The following NRG3 variants were observed in gnomAD, a reference collection of about 807,000 sequenced individuals.
NRG3 encodes the protein pro-neuregulin-3, membrane-bound isoform.
In NRG3, 31 loss-of-function variants were observed where a neutral mutation model predicts 66.9. The observed-to-expected ratio is 0.46, with a 90% CI of 0.35 to 0.63. The LOEUF (loss-of-function observed/expected upper bound fraction) is 0.63, where lower values mean the gene tolerates loss of function less well. NRG3 is among the 20% of genes least tolerant of loss of function. NRG3 has a pLI of 0.00. For missense variants in NRG3, 910 were observed against 878.9 expected (o/e 1.04, Z -0.45); for synonymous variants, 393 against 359.4 (o/e 1.09, Z -1.06).
intron 1 of NRG3, among the ~76,000 whole-genome samples, chr10:82,155,983 T>G (rs2132865006): frequency 6.6e-6 from 1 of 151,802 alleles, no homozygotes; most frequent in African/African-American, 2.4e-5. Flanking sequence ...TTGTTCAATT[T>G]AAAAATAATT....
intron 2 of NRG3, among the ~76,000 whole-genome samples, chr10:82,507,529 C>T (rs980288589): frequency 1.3e-5 from 2 of 152,174 alleles, no homozygotes; most frequent in African/African-American, 4.8e-5. Context: ...GCAATGAAGA[C>T]ACAAAGCCTG....
intron 1 of NRG3, among the ~76,000 whole-genome samples, chr10:82,321,038 C>A (rs1361781562): frequency 2.0e-5 from 3 of 152,224 alleles, no homozygotes; most frequent in African/African-American, 7.2e-5. Flanking sequence ...GGATGCCAGA[C>A]AAGGACCCAG....
chr10:82,924,646 A>T (rs1369785960), intron 4 of NRG3, among the ~76,000 whole-genome samples: 1 of 151,864 alleles, frequency 6.6e-6, no homozygotes, highest in Non-Finnish European at 1.5e-5. Flanking sequence ...CTTCTTCTAG[A>T]CCAGTAGCAT....
chr10:82,000,967 T>A (rs1160432025), intron 1 of NRG3, among the ~76,000 whole-genome samples: 2 of 152,322 alleles, frequency 1.3e-5, no homozygotes, highest in African/African-American at 2.4e-5. Context: ...TAGAATACCC[T>A]GACAAACATT....
chr10:82,230,862 G>T (rs1443887273), intron 1 of NRG3, among the ~76,000 whole-genome samples: 1 of 152,072 alleles, frequency 6.6e-6, no homozygotes, highest in Non-Finnish European at 1.5e-5. Flanking sequence ...GCAAAAAAAT[G>T]CCACTCAATG....
In NRG3 at chr10:82,077,989, C is replaced by T. The variant is rs183177425; in HGVS notation, c.823+201826C>T. Among the ~76,000 whole-genome samples the T allele has an allele frequency of 2.2e-3, 334 of 152,164 alleles. 5 individuals carry two copies. Among genetic ancestry groups the T allele is most frequent in the Admixed American group, 0.02 (310 of 15,278 alleles). On this transcript the variant is annotated intron_variant, in intron 1 of 8. Transcript: ENST00000372141. ...TTTCTCTTACTTTGTCTTTGAGAGA[C>T]GCAAGCAATCTCCAGTTGGGCCCTT... is the stretch of plus-strand genomic sequence containing the variant.
chr10:82,448,908 A>T (rs549563529), intron 2 of NRG3, among the ~76,000 whole-genome samples: 1 of 151,912 alleles, frequency 6.6e-6, no homozygotes, highest in Admixed American at 6.6e-5. Flanking sequence ...TCTATTATAA[A>T]CTCCAGTGCC....
intron 3 of NRG3, among the ~76,000 whole-genome samples, chr10:82,797,092 AC>A (rs2060831138): frequency 6.6e-6 from 1 of 152,112 alleles, no homozygotes; most frequent in East Asian, 1.9e-4. Context: ...ATGAAAATGA[AC>A]CTTTTTACAA....
chr10:82,478,547 T>C (rs897626516), intron 2 of NRG3, among the ~76,000 whole-genome samples: 2 of 56,498 alleles, frequency 3.5e-5, no homozygotes, highest in African/African-American at 8.7e-5. Context: ...ACAGCACATG[T>C]TTCAGAGAGC....
chr10:82,652,430 C>T (rs770834073), intron 2 of NRG3, among the ~76,000 whole-genome samples: 5 of 152,238 alleles, frequency 3.3e-5, no homozygotes, highest in Admixed American at 1.3e-4. Flanking sequence ...AGGGGACAGA[C>T]GAGATGGGAA....
At chr10:82,153,741 T>C (rs2070966015) in intron 1 of NRG3, among the ~76,000 whole-genome samples, 3 of 152,084 alleles carry the variant, frequency 2.0e-5, no homozygotes, top group Admixed American at 2.0e-4. Flanking sequence ...TTTCGTACTT[T>C]TGATATTAGC....
At chr10:82,212,920 A>G (rs759534186) in intron 1 of NRG3, among the ~76,000 whole-genome samples, 2 of 152,186 alleles carry the variant, frequency 1.3e-5, no homozygotes, top group Non-Finnish European at 2.9e-5. Flanking sequence ...CCTGCATTCC[A>G]AAGGATTGCA....
chr10:82,585,599 T>C (rs2046623528), intron 2 of NRG3, among the ~76,000 whole-genome samples: 1 of 152,154 alleles, frequency 6.6e-6, no homozygotes, highest in African/African-American at 2.4e-5. Flanking sequence ...CCACTGCAGA[T>C]TCTTAAATAG....
intron 2 of NRG3, among the ~76,000 whole-genome samples, chr10:82,473,467 A>C (rs1164999695): frequency 2.0e-5 from 3 of 152,210 alleles, no homozygotes. Context: ...GAAAACAAAC[A>C]AACAAACCAA....
At chr10:82,056,984 A>G (rs188053712) in intron 1 of NRG3, among the ~76,000 whole-genome samples, 50 of 152,194 alleles carry the variant, frequency 3.3e-4, no homozygotes, top group Admixed American at 2.7e-3. Flanking sequence ...GATCATTGTT[A>G]TCTCTCATTA....
At chr10:82,668,850 C>T (rs1431858966) in intron 2 of NRG3, among the ~76,000 whole-genome samples, 2 of 152,058 alleles carry the variant, frequency 1.3e-5, no homozygotes, top group Non-Finnish European at 2.9e-5. Flanking sequence ...GAATTGTCTG[C>T]CTTTACATTA....
intron 1 of NRG3, among the ~76,000 whole-genome samples, chr10:82,307,373 T>G (rs1213059871): frequency 1.3e-5 from 2 of 152,330 alleles, no homozygotes; most frequent in African/African-American, 4.8e-5. Context: ...TTCAAACTCA[T>G]GTTTACTTTT....
chr10:82,269,099 A>T (rs7358258), intron 1 of NRG3, among the ~76,000 whole-genome samples: 15,247 of 152,030 alleles, frequency 0.1, 2,152 homozygotes, highest in African/African-American at 0.31. Flanking sequence ...ACTTTCTCTG[A>T]GAAATTCAAT....
At chr10:82,338,221 A>T (rs1328523671) in intron 1 of NRG3, among the ~76,000 whole-genome samples, 3 of 152,234 alleles carry the variant, frequency 2.0e-5, no homozygotes, top group Non-Finnish European at 4.4e-5. Context: ...TTGTGAGATC[A>T]TCACCTTACT....
Sources: allele counts gnomAD v4.1 joint callset (sites outside exome capture counted in the v4.1 genomes callset), GRCh38; gene constraint gnomAD v4.1.1; transcripts MANE v1.5; gene names NCBI Gene and HGNC (gene_info 2026-07-23, HGNC 2026-07-21).